The following SUGCT variants were observed in gnomAD, a reference collection of about 807,000 sequenced individuals.
SUGCT encodes the protein succinyl-CoA:glutarate CoA-transferase.
Under a neutral mutation model 55.0 loss-of-function variants are expected in SUGCT, and 41 were observed. That is an observed-to-expected ratio of 0.74 (90% CI 0.58 to 0.97). The LOEUF (loss-of-function observed/expected upper bound fraction) is 0.97, where lower values mean the gene tolerates loss of function less well. Among genes scored for constraint, SUGCT ranks in the 50% least tolerant of loss-of-function variants. The pLI, the probability that SUGCT is intolerant of heterozygous loss-of-function variation, is 0.00. For synonymous variants in SUGCT, 187 were observed against 200.4 expected (o/e 0.93, Z 0.56); for missense variants, 568 against 547.8 (o/e 1.04, Z -0.37).
intron 11 of SUGCT, among the ~76,000 whole-genome samples, chr7:40,486,641 G>A (rs1791366391): frequency 6.8e-6 from 1 of 147,912 alleles, no homozygotes; most frequent in South Asian, 2.2e-4. Flanking sequence ...CTTTTGCTGT[G>A]TTTCATAGGT....
At chr7:40,588,470 T>A (rs1284986364) in intron 12 of SUGCT, among the ~76,000 whole-genome samples, 1 of 152,046 alleles carries the variant, frequency 6.6e-6, no homozygotes, top group Non-Finnish European at 1.5e-5. Context: ...CTACAGGAGG[T>A]AAGGGGTTAT....
the SUGCT span, among the ~76,000 whole-genome samples, chr7:40,962,604 CACACACAT>C: frequency 1.4e-5 from 2 of 142,944 alleles, no homozygotes; most frequent in South Asian, 2.4e-4. Context: ...CACACACACA[CACACACAT>C]CAGAAAAATG....
intron 8 of SUGCT, among the ~76,000 whole-genome samples, chr7:40,310,781 A>G (rs1221189152): frequency 1.3e-5 from 2 of 152,210 alleles, no homozygotes; most frequent in African/African-American, 4.8e-5. Flanking sequence ...GCTTATTTAA[A>G]ACCACCCATT....
At chr7:40,638,073 G>A (rs951605784) in intron 12 of SUGCT, among the ~76,000 whole-genome samples, 3 of 152,184 alleles carry the variant, frequency 2.0e-5, no homozygotes, top group Non-Finnish European at 4.4e-5. Flanking sequence ...TGCCACAAAA[G>A]AGCTCCCTCC....
At chr7:40,543,599 A>G (rs545356850) in intron 12 of SUGCT, among the ~76,000 whole-genome samples, 1 of 152,348 alleles carries the variant, frequency 6.6e-6, no homozygotes, top group Admixed American at 6.5e-5. Flanking sequence ...GCAAAAGTTT[A>G]TCTGGTGGAC....
chr7:40,354,565 G>T (rs760392013), intron 9 of SUGCT, among the ~76,000 whole-genome samples: 5 of 152,158 alleles, frequency 3.3e-5, no homozygotes, highest in African/African-American at 4.8e-5. Flanking sequence ...TGAAAAGTTG[G>T]CTGGGTATTG....
At chr7:40,918,103 A>G in the SUGCT span, among the ~76,000 whole-genome samples, 223 of 152,256 alleles carry the variant, frequency 1.5e-3, no homozygotes, top group Non-Finnish European at 3.0e-3. Context: ...AGGCAGGAGA[A>G]TAAAATTGGG....
chr7:40,427,783 G>A (rs1787667928), intron 9 of SUGCT, among the ~76,000 whole-genome samples: 1 of 152,148 alleles, frequency 6.6e-6, no homozygotes, highest in African/African-American at 2.4e-5. Context: ...TGGGAAGGGA[G>A]AGTCAAAGAA....
chr7:40,895,469 A>C, the SUGCT span, among the ~76,000 whole-genome samples: 1 of 152,214 alleles, frequency 6.6e-6, no homozygotes, highest in Non-Finnish European at 1.5e-5. Context: ...GAACCTAAAC[A>C]AAAAATTGAA....
At chr7:40,602,283 A>G (rs1157506278) in intron 12 of SUGCT, among the ~76,000 whole-genome samples, 1 of 152,206 alleles carries the variant, frequency 6.6e-6, no homozygotes, top group East Asian at 1.9e-4. Context: ...GACTGAATGA[A>G]GGGGGATGAA....
At chr7:40,164,586 G>T (rs1278396703) in intron 1 of SUGCT, among the ~76,000 whole-genome samples, 1 of 151,996 alleles carries the variant, frequency 6.6e-6, no homozygotes, top group Non-Finnish European at 1.5e-5. Flanking sequence ...TTCCTATTTT[G>T]TTTTTTATTA....
At chr7:40,985,978 CA>C in the SUGCT span, among the ~76,000 whole-genome samples, 2 of 152,116 alleles carry the variant, frequency 1.3e-5, no homozygotes, top group Non-Finnish European at 2.9e-5. Flanking sequence ...GGAATAATTA[CA>C]GTGTTTATTT....
chr7:40,621,515 A>G (rs1278442699), intron 12 of SUGCT, among the ~76,000 whole-genome samples: 7 of 152,170 alleles, frequency 4.6e-5, no homozygotes, highest in African/African-American at 1.7e-4. Context: ...CTTTGGCTAT[A>G]AAGCAAAGGA....
At chr7:40,748,815 G>A (rs1787867830) in intron 12 of SUGCT, among the ~76,000 whole-genome samples, 1 of 152,074 alleles carries the variant, frequency 6.6e-6, no homozygotes, top group African/African-American at 2.4e-5. Flanking sequence ...GGCCACCATT[G>A]AAAATGTTCC....
At chr7:40,552,540 G>A (rs971032708) in intron 12 of SUGCT, among the ~76,000 whole-genome samples, 2 of 152,234 alleles carry the variant, frequency 1.3e-5, no homozygotes, top group African/African-American at 4.8e-5. Context: ...TGATTACCAT[G>A]CGTTGGGGGT....
chr7:40,387,067 A>G (rs1400691813), intron 9 of SUGCT, among the ~76,000 whole-genome samples: 1 of 152,182 alleles, frequency 6.6e-6, no homozygotes, highest in Admixed American at 6.6e-5. Flanking sequence ...TAGCTGGGCT[A>G]CCCTGTGGTG....
intron 8 of SUGCT, among the ~76,000 whole-genome samples, chr7:40,297,172 G>A (rs540654799): frequency 1.3e-4 from 19 of 151,886 alleles, no homozygotes; most frequent in Non-Finnish European, 8.8e-5. Flanking sequence ...TTCTGTCCAT[G>A]TTCACCTTAT....
chr7:40,619,498 A>G (rs530376459), intron 12 of SUGCT, among the ~76,000 whole-genome samples: 2 of 152,172 alleles, frequency 1.3e-5, no homozygotes, highest in South Asian at 4.1e-4. Context: ...TGAAGCAAAT[A>G]ATTTCTGCCA....
chr7:40,352,782 G>A (rs1439139902), intron 9 of SUGCT, among the ~76,000 whole-genome samples: 1 of 152,058 alleles, frequency 6.6e-6, no homozygotes, highest in Non-Finnish European at 1.5e-5. Flanking sequence ...GTATTCCTTT[G>A]GGTGTACACC....
Sources: allele counts gnomAD v4.1 joint callset (sites outside exome capture counted in the v4.1 genomes callset), GRCh38; gene constraint gnomAD v4.1.1; transcripts MANE v1.5; gene names NCBI Gene and HGNC (gene_info 2026-07-23, HGNC 2026-07-21).